Variants in GOLGA4 observed in about 807,000 individuals in gnomAD.
GOLGA4 encodes the protein golgin A4, also known as golgin subfamily A member 4.
A neutral mutation model predicts 265.9 loss-of-function variants in GOLGA4; 169 were observed. The observed-to-expected ratio is 0.64, with a 90% confidence interval of 0.56 to 0.72. GOLGA4 has a LOEUF of 0.72. Ranked by LOEUF, GOLGA4 falls within the 30% of genes least tolerant of loss-of-function variation. GOLGA4 has a pLI of 0.00. For synonymous variants in GOLGA4, 923 were observed against 855.8 expected (o/e 1.08, Z -1.37); for missense variants, 2,482 against 2,483.4 (o/e 1.00, Z 0.01).
chr3:37,366,180 A>AG lies in GOLGA4; in HGVS notation c.*137dup. The AG allele has an allele frequency of 8.3e-7, 1 of 1,199,406 alleles. No individual in the cohort carries two copies. Among genetic ancestry groups the AG allele is most frequent in the Non-Finnish European group, 1.1e-6 (1 of 873,108 alleles). 74.3% of individuals were successfully genotyped at this position (1,199,406 alleles called of 1,614,324 possible). On this transcript the variant is annotated 3_prime_UTR_variant, in exon 24 of 24. Coordinates refer to ENST00000361924, the MANE Select transcript of GOLGA4 (RefSeq NM_002078.5). ...CTCTTTGAGAATGAAGTTGTCATTCAGGGCCCCTCATGTAGCCAAAAGACC... is the reference window on the plus strand; with the variant it reads ...CTCTTTGAGAATGAAGTTGTCATTCAGGGGCCCCTCATGTAGCCAAAAGACC...
At chr3:37,286,456 A>G (rs895447606) in intron 4 of GOLGA4, among the ~76,000 whole-genome samples, 8 of 152,190 alleles carry the variant, frequency 5.3e-5, no homozygotes, top group African/African-American at 1.7e-4. Flanking sequence ...CCCGGCCTAT[A>G]GTAAGATATT....
Position 37,298,821 on chromosome 3 carries a change from C to T in GOLGA4, c.815-12C>T. ...TTACTGATGGGCCCTTCTTATGTTG[C>T]TTTATTGTTAGTGGAAGATGGAACT... On this transcript the variant is annotated splice_polypyrimidine_tract_variant and intron_variant, in intron 7 of 23. Transcript: ENST00000361924. 2 of 1,590,272 alleles carry T rather than the reference C, an allele frequency of 1.3e-6. No homozygotes were observed. Among genetic ancestry groups the T allele is most frequent in the Middle Eastern group, 3.4e-4 (2 of 5,958 alleles).
intron 2 of GOLGA4, among the ~76,000 whole-genome samples, chr3:37,264,701 A>T (rs1436546954): frequency 1.3e-5 from 2 of 152,042 alleles, no homozygotes; most frequent in African/African-American, 4.8e-5. Flanking sequence ...TTAACTGCTA[A>T]ATTCATGTTT....
chr3:37,362,242 T>A (rs1475815197), intron 23 of GOLGA4, among the ~76,000 whole-genome samples: 1 of 116,580 alleles, frequency 8.6e-6, no homozygotes, highest in African/African-American at 3.2e-5. Flanking sequence ...TATTTATTAT[T>A]TTTTTTTTTT....
At chr3:37,272,851 A>G (rs73825052) in intron 2 of GOLGA4, among the ~76,000 whole-genome samples, 8,116 of 152,228 alleles carry the variant, frequency 0.053, 297 homozygotes, top group African/African-American at 0.11. Flanking sequence ...TAGTTAGACA[A>G]TGTATTATAA....
chr3:37,346,860 A>T (rs909129594), intron 20 of GOLGA4, among the ~76,000 whole-genome samples: 2 of 152,198 alleles, frequency 1.3e-5, no homozygotes, highest in African/African-American at 2.4e-5. Flanking sequence ...ACATATGTAA[A>T]TGACACATAA....
chr3:37,305,783 G>C (rs2096904464), intron 10 of GOLGA4, among the ~76,000 whole-genome samples: 1 of 152,164 alleles, frequency 6.6e-6, no homozygotes, highest in Non-Finnish European at 1.5e-5. Flanking sequence ...ATTTTCAACT[G>C]TGAAGAAATT....
chr3:37,292,832 C>T (rs978457818), intron 5 of GOLGA4, among the ~76,000 whole-genome samples: 3 of 152,118 alleles, frequency 2.0e-5, no homozygotes, highest in Non-Finnish European at 2.9e-5. Flanking sequence ...TCTCTGAAAA[C>T]ATTATTTAGG....
chr3:37,366,440 C>A lies in GOLGA4; in HGVS notation c.*394C>A, dbSNP rs1200737365. 8.3e-6 allele frequency: 2 copies of A among 240,842 alleles called. No homozygotes were observed. The highest frequency in any genetic ancestry group is 1.6e-5 in the Non-Finnish European group (2 of 126,898). The allele number at this position is 240,842 out of a possible 1,614,324, so 14.9% of individuals were successfully genotyped here. A position where few individuals can be genotyped will look rare whatever the true frequency, so the allele number is the denominator to read the frequency against. ...TTTTTAGGGTGATTTTTTAAAAAGACTTGTGCAATACATTTTGAGGTGAAA... is the reference window on the plus strand; with the variant it reads ...TTTTTAGGGTGATTTTTTAAAAAGAATTGTGCAATACATTTTGAGGTGAAA... On this transcript the variant is annotated 3_prime_UTR_variant, in exon 24 of 24. Coordinates refer to ENST00000361924, the MANE Select transcript of GOLGA4 (RefSeq NM_002078.5).
chr3:37,337,147 C>T lies in GOLGA4; in HGVS notation c.6311C>T (p.Thr2104Ile). 7.1e-7 allele frequency: 1 copy of T among 1,413,792 alleles called. No homozygotes were observed. The highest frequency in any genetic ancestry group is 9.9e-7 in the Non-Finnish European group (1 of 1,013,452). The allele number at this position is 1,413,792 out of a possible 1,614,324, so 87.6% of individuals were successfully genotyped here. A position where few individuals can be genotyped will look rare whatever the true frequency, so the allele number is the denominator to read the frequency against. ...QEENPGNDNVTIMELQTQLAQ... is the reference protein window; with the variant it reads ...QEENPGNDNVIIMELQTQLAQ... ...TTTTTCTTTCCATTTTTTCAGGTAA[C>T]AATTATGGAGCTACAGGTAAGGCTA... The change falls in exon 18 of 24, where the codon ACA (threonine) becomes ATA (isoleucine). Residue 2104 changes from threonine to isoleucine, a missense_variant. Coordinates refer to ENST00000361924, the MANE Select transcript of GOLGA4 (RefSeq NM_002078.5).
At chr3:37,277,342 G>A (rs2096822196) in intron 2 of GOLGA4, among the ~76,000 whole-genome samples, 1 of 152,166 alleles carries the variant, frequency 6.6e-6, no homozygotes, top group Non-Finnish European at 1.5e-5. Context: ...GAACACTGTT[G>A]TAGTTTAGAA....
chr3:37,325,769 G>A lies in GOLGA4; in HGVS notation c.3883G>A (p.Ala1295Thr), dbSNP rs750538392. ...QNTLNISFQQ[A>T]THQLEEKENQ... is the part of the protein sequence containing the mutation. Reference sequence around the variant, plus strand: ...TACACTAAATATTTCTTTTCAACAGGCTACTCATCAGTTAGAAGAAAAAGA... The same window carrying A: ...TACACTAAATATTTCTTTTCAACAGACTACTCATCAGTTAGAAGAAAAAGA... The change falls in exon 14 of 24, where the codon GCT becomes ACT. Residue 1295 changes from alanine to threonine, a missense_variant. Transcript: ENST00000361924. The A allele has an allele frequency of 6.8e-6, 11 of 1,613,174 alleles. No individual in the cohort carries two copies. Among genetic ancestry groups the A allele is most frequent in the Non-Finnish European group, 9.3e-6 (11 of 1,179,486 alleles).
In GOLGA4 at chr3:37,305,707, A is replaced by G. The variant is rs912107484; in HGVS notation, c.1234+3375A>G. On this transcript the variant is annotated intron_variant, in intron 10 of 23. Coordinates refer to ENST00000361924, the MANE Select transcript of GOLGA4 (RefSeq NM_002078.5). ...AACATTAATATCATTACAGCTTGCT[A>G]TTAGGATTTTAGAAGTAGATATGTC... Among the ~76,000 whole-genome samples the G allele has an allele frequency of 2.6e-5, 4 of 152,368 alleles. No homozygotes were observed. In the East Asian group the frequency reaches 5.8e-4, roughly 22 times the overall value.
chr3:37,275,741 C>G, intron 2 of GOLGA4: 1 of 1,612,860 alleles, frequency 6.2e-7, no homozygotes, highest in Middle Eastern at 1.9e-4. Context: ...CAAGATGGTG[C>G]AGAAGAAGAA....
At position 37,299,288 on chromosome 3, in the gene GOLGA4, G is replaced by A; in HGVS notation, c.1003G>A (p.Asp335Asn). 1 of 1,601,522 alleles carries A rather than the reference G, an allele frequency of 6.2e-7. No homozygotes were observed. Among genetic ancestry groups the A allele is most frequent in the South Asian group, 1.1e-5 (1 of 90,134 alleles). ...AAATGAATTTAAAAATTTTTTTTAG[G>A]ACCTTCATATGGCCGAGAAGACTAA... ...ERLQELEKIK[D>N]LHMAEKTKLI... The change falls in exon 9 of 24, where the codon GAC becomes AAC. Residue 335 changes from aspartate (D) to asparagine (N), a missense_variant and splice_region_variant. Asp to Asn is a conservative substitution (Grantham distance 23). Around this residue, in one of 3 missense-constraint regions of GOLGA4, gnomAD observed 1,536 missense variants for 1,483.7 expected, o/e 1.04. Coordinates refer to ENST00000361924, the MANE Select transcript of GOLGA4 (RefSeq NM_002078.5).
intron 2 of GOLGA4, among the ~76,000 whole-genome samples, chr3:37,273,759 A>G (rs1337858682): frequency 6.6e-6 from 1 of 152,216 alleles, no homozygotes; most frequent in Non-Finnish European, 1.5e-5. Flanking sequence ...GGTTTCTTGG[A>G]AAAAGTTTTA....
intron 3 of GOLGA4, among the ~76,000 whole-genome samples, chr3:37,283,334 T>C (rs1476681278): frequency 6.6e-6 from 1 of 152,214 alleles, no homozygotes; most frequent in Non-Finnish European, 1.5e-5. Flanking sequence ...GAGGCACTTG[T>C]AGAATCAAGC....
chr3:37,254,287 C>A (rs1309513177), intron 2 of GOLGA4, among the ~76,000 whole-genome samples: 1 of 151,996 alleles, frequency 6.6e-6, no homozygotes, highest in Non-Finnish European at 1.5e-5. Context: ...AAAATAAGAT[C>A]TCAGGAAACT....
intron 1 of GOLGA4, among the ~76,000 whole-genome samples, chr3:37,251,146 A>G (rs990162070): frequency 6.6e-6 from 1 of 152,346 alleles, no homozygotes; most frequent in South Asian, 2.1e-4. Flanking sequence ...ATGGAGACAC[A>G]TAGTCCTCAA....
Sources: gnomAD v4.1 joint callset for allele counts (sites outside exome capture counted in the v4.1 genomes callset) on GRCh38, gnomAD v4.1.1 for gene constraint, gnomAD v4.1.1 regional missense constraint, MANE v1.5 for transcripts, NCBI Gene and HGNC (gene_info 2026-07-23, HGNC 2026-07-21) for gene names.